Variants in EXD3 observed in about 807,000 individuals in gnomAD.
EXD3 encodes exonuclease 3'-5' domain containing 3.
A neutral mutation model predicts 98.0 loss-of-function variants in EXD3; 92 were observed. The ratio of observed to expected loss-of-function variants is 0.94; its 90% CI spans 0.79 to 1.12. The LOEUF (loss-of-function observed/expected upper bound fraction) is 1.12. Among genes scored for constraint, EXD3 ranks in the 50% most tolerant of loss-of-function variants. The pLI is 0.00. For synonymous variants in EXD3, 569 were observed against 526.0 expected (o/e 1.08, Z -1.12); for missense variants, 1,222 against 1,191.6 (o/e 1.03, Z -0.38).
In EXD3 at chr9:137,352,052, G is replaced by T. The variant is rs1834334762; in HGVS notation, c.1173+14C>A. The T allele has an allele frequency of 1.2e-6, 2 of 1,604,544 alleles. No homozygotes were observed. Among genetic ancestry groups the T allele is most frequent in the Non-Finnish European group, 1.7e-6 (2 of 1,176,250 alleles). On this transcript the variant is annotated intron_variant, in intron 12 of 21. Transcript: ENST00000340951. ...CCCACCACCGGGCGCTGCCCCAGCG[G>T]CCGAGGGAACCACCTGCAGGAGTGC...
intron 2 of EXD3, among the ~76,000 whole-genome samples, chr9:137,383,689 G>C (rs1226310827): frequency 6.6e-6 from 1 of 152,222 alleles, no homozygotes; most frequent in Admixed American, 6.5e-5. Context: ...GCCCTCGTGG[G>C]CCTGAGCCTC....
intron 19 of EXD3, among the ~76,000 whole-genome samples, chr9:137,314,738 G>A (rs1198917939): frequency 3.9e-5 from 6 of 152,154 alleles, no homozygotes; most frequent in African/African-American, 1.2e-4. Flanking sequence ...GATGGGCCTC[G>A]GGCAGCGTCG....
At position 137,372,892 on chromosome 9, in the gene EXD3, G is replaced by T. The variant is rs765519449; in HGVS notation, c.462+13C>A. 2 of 1,597,044 alleles carry T rather than the reference G, an allele frequency of 1.3e-6. No individual in the cohort carries two copies. The highest frequency in any genetic ancestry group is 1.3e-5 in the African/African-American group (1 of 74,888). ...GCCGTTTCCCCATGAGCCCGGCCAC[G>T]TGGGCCACTCACTTCTCTGAACCTG... On this transcript the variant is annotated intron_variant, in intron 5 of 21. Transcript: ENST00000340951.
At chr9:137,396,464 C>G (rs1199442432) in intron 1 of EXD3, among the ~76,000 whole-genome samples, 1 of 152,144 alleles carries the variant, frequency 6.6e-6, no homozygotes, top group Admixed American at 6.5e-5. Context: ...AGAGCTGTGC[C>G]GCCCTCCCCC....
intron 19 of EXD3, among the ~76,000 whole-genome samples, chr9:137,313,439 G>A (rs956786809): frequency 1.3e-5 from 2 of 152,142 alleles, no homozygotes; most frequent in African/African-American, 4.8e-5. Flanking sequence ...AGGTCCCTCG[G>A]GTGATCTGGC....
At chr9:137,378,593 G>A (rs576286033) in intron 3 of EXD3, among the ~76,000 whole-genome samples, 5 of 152,238 alleles carry the variant, frequency 3.3e-5, no homozygotes, top group Non-Finnish European at 5.9e-5. Flanking sequence ...ACGGCCAGAG[G>A]TGGAGATGGC....
rs985043965 is a variant in EXD3, at chr9:137,405,175, G to A, written c.-47-9771C>T. On this transcript the variant is annotated intron_variant, in intron 1 of 21. Coordinates refer to ENST00000340951, the MANE Select transcript of EXD3 (RefSeq NM_017820.5). The surrounding 1 kb of genome is among the most constrained non-coding windows in gnomAD (Gnocchi z 4.1). The stretch of plus-strand genomic sequence containing the variant: ...TCCAAAGACCCTACTTGGGAGCCCC[G>A]CACATCCGCACATCCCACCCTTGGA... Among the ~76,000 whole-genome samples, 2 of 152,188 alleles carry A rather than the reference G, an allele frequency of 1.3e-5. No homozygotes were observed. The highest frequency in any genetic ancestry group is 2.9e-5 in the Non-Finnish European group (2 of 68,016).
Position 137,407,234 on chromosome 9 carries a change from G to A in EXD3, c.-47-11830C>T, listed in dbSNP as rs1038884281. Among the ~76,000 whole-genome samples the A allele has an allele frequency of 3.3e-5, 5 of 152,158 alleles. No homozygotes were observed. Among genetic ancestry groups the A allele is most frequent in the African/African-American group, 1.2e-4 (5 of 41,450 alleles). ...TCGGTCCCAGGCGCCTCCCCTACCC[G>A]CACGCCCAGGCTGGGTCTCCGTTTC... On this transcript the variant is annotated intron_variant, in intron 1 of 21. Coordinates refer to ENST00000340951, the MANE Select transcript of EXD3 (RefSeq NM_017820.5). This position sits in a 1 kb window ranked among gnomAD's most constrained non-coding sequence, Gnocchi z 4.4.
Position 137,405,409 on chromosome 9 carries a change from C to T in EXD3, c.-47-10005G>A, listed in dbSNP as rs1052558654. 5.3e-5 allele frequency among the ~76,000 whole-genome samples: 8 copies of T among 152,228 alleles called. No individual in the cohort carries two copies. Among genetic ancestry groups the T allele is most frequent in the East Asian group, 1.9e-4 (1 of 5,190 alleles). ...CCCCCACACAGGTCCTGGACTCATT[C>T]GTGCTGGTGTCCGTGGCCCAAGGAT... On this transcript the variant is annotated intron_variant, in intron 1 of 21. Transcript: ENST00000340951. This position sits in a 1 kb window ranked among gnomAD's most constrained non-coding sequence, Gnocchi z 4.1.
chr9:137,354,147 C>G, intron 10 of EXD3, 192 bp downstream of exon 10: 1 of 1,424,888 alleles, frequency 7.0e-7, no homozygotes, highest in Non-Finnish European at 9.2e-7. Flanking sequence ...GCCCTCGGCT[C>G]CCGCTCAGGC....
intron 2 of EXD3, among the ~76,000 whole-genome samples, chr9:137,394,921 AGCCCCC>A (rs1837129879): frequency 6.6e-6 from 1 of 152,040 alleles, no homozygotes. Context: ...GGCGGCGCTA[AGCCCCC>A]AAGGGTGTTC....
chr9:137,392,900 C>T, intron 2 of EXD3: 1 of 420,480 alleles, frequency 2.4e-6, no homozygotes, highest in South Asian at 1.9e-5. Context: ...CCAGCGGGCA[C>T]CATGTCTGTT....
At chr9:137,309,565 C>T (rs932887027) in intron 20 of EXD3, 42 bp downstream of exon 20, 2 of 1,507,116 alleles carry the variant, frequency 1.3e-6, no homozygotes, top group Non-Finnish European at 1.8e-6. Context: ...GTCGACCCAT[C>T]CCAGGCCCCC....
At chr9:137,384,933 A>G (rs1021710401) in intron 2 of EXD3, among the ~76,000 whole-genome samples, 8 of 152,000 alleles carry the variant, frequency 5.3e-5, no homozygotes, top group Non-Finnish European at 1.0e-4. Flanking sequence ...CTCTACTAAA[A>G]CTACAAAAGC....
intron 17 of EXD3, among the ~76,000 whole-genome samples, chr9:137,340,514 T>G (rs929310995): frequency 1.3e-5 from 2 of 151,796 alleles, no homozygotes; most frequent in Non-Finnish European, 2.9e-5. Context: ...TATTCATGAA[T>G]AGAAGACTCA....
rs1358018740 is a variant in EXD3, at chr9:137,323,802, C to A, written c.2107G>T (p.Ala703Ser). The change falls in exon 19 of 22, where the codon GCC becomes TCC. Residue 703 changes from alanine to serine, a missense_variant. Transcript: ENST00000340951. ...RCLSVDCSLKAQQQAKAVLKH... is the reference protein window; with the variant it reads ...RCLSVDCSLKSQQQAKAVLKH... ...AGCACAGCCTTGGCCTGCTGCTGGG[C>A]CTTCAGGGAGCAGTCGACCGAGAGG... 5 of 1,612,186 alleles carry A rather than the reference C, an allele frequency of 3.1e-6. No individual in the cohort carries two copies. Among genetic ancestry groups the A allele is most frequent in the Non-Finnish European group, 3.4e-6 (4 of 1,179,760 alleles).
intron 17 of EXD3, among the ~76,000 whole-genome samples, chr9:137,329,817 C>G (rs1204132334): frequency 3.6e-3 from 1 of 278 alleles, no homozygotes; most frequent in African/African-American, 9.8e-3. Context: ...TCACACGGGA[C>G]TACACGGGAC....
At position 137,307,083 on chromosome 9, in the gene EXD3, G is replaced by T. The variant is rs779358702; in HGVS notation, c.2498C>A (p.Thr833Lys). ...GTCCCAGAAGACCTTTCCACAGCCC[G>T]TGCAGCAGTAGAAGCACCGCAGCCC... ...TPGLRCFYCC[T>K]GCGKVFWDGS... The change falls in exon 22 of 22, where the codon ACG (threonine) becomes AAG (lysine). Residue 833 changes from threonine to lysine, a missense_variant. Coordinates refer to ENST00000340951, the MANE Select transcript of EXD3 (RefSeq NM_017820.5). 1 of 1,611,090 alleles carries T rather than the reference G, an allele frequency of 6.2e-7. No homozygotes were observed. Among genetic ancestry groups the T allele is most frequent in the East Asian group, 2.2e-5 (1 of 44,814 alleles).
chr9:137,366,599 C>G lies in EXD3; in HGVS notation c.550G>C (p.Ala184Pro). 1 of 1,556,346 alleles carries G rather than the reference C, an allele frequency of 6.4e-7. No homozygotes were observed. Among genetic ancestry groups the G allele is most frequent in the Non-Finnish European group, 8.7e-7 (1 of 1,150,962 alleles). The change falls in exon 7 of 22, where the codon GCC (alanine) becomes CCC (proline). Residue 184 changes from alanine to proline, a missense_variant. Transcript: ENST00000340951. ...CCGGCCACATAGCGCTCCACGAGGGCCACCTTGTCCTGGAGGAGCAGTGGG... is the reference window on the plus strand; with the variant it reads ...CCGGCCACATAGCGCTCCACGAGGGGCACCTTGTCCTGGAGGAGCAGTGGG... ...SIPLLLQDKV[A>P]LVERYVAGFP...
Sources: gnomAD v4.1 joint callset for allele counts (sites outside exome capture counted in the v4.1 genomes callset) on GRCh38, gnomAD v4.1.1 for gene constraint, Gnocchi (gnomAD v3.1) non-coding constraint, MANE v1.5 for transcripts, NCBI Gene and HGNC (gene_info 2026-07-23, HGNC 2026-07-21) for gene names.